LCOR: variants seen among roughly 807,000 people sequenced by gnomAD.
LCOR encodes ligand dependent nuclear receptor corepressor, also known as ligand-dependent corepressor.
LCOR carries 14 observed loss-of-function variants against 64.4 expected under a neutral mutation model. That is an observed-to-expected ratio of 0.22 (90% CI 0.14 to 0.34). The LOEUF is 0.34. Among genes scored for constraint, LCOR ranks in the 10% least tolerant of loss-of-function variants. The probability of loss-of-function intolerance (pLI) is 1.00; values close to 1 mark genes in which losing one functional copy is unlikely to be tolerated. For synonymous variants in LCOR, 643 were observed against 642.5 expected (o/e 1.00, Z -0.01); for missense variants, 1,686 against 1,765.3 (o/e 0.96, Z 0.80).
At chr10:96,855,501 C>T (rs1367552138) in intron 2 of LCOR, among the ~76,000 whole-genome samples, 1 of 152,014 alleles carries the variant, frequency 6.6e-6, no homozygotes, top group African/African-American at 2.4e-5. Flanking sequence ...ATGACGCGAT[C>T]TTGGCTCATT....
chr10:96,933,424 CTTTA>C (rs988690702), intron 4 of LCOR, among the ~76,000 whole-genome samples: 3 of 152,048 alleles, frequency 2.0e-5, no homozygotes, highest in Admixed American at 1.3e-4. Context: ...ATGGTGAAAC[CTTTA>C]TTTATATAGA....
chr10:96,859,158 T>C (rs1845848634), intron 2 of LCOR, among the ~76,000 whole-genome samples: 1 of 152,078 alleles, frequency 6.6e-6, no homozygotes, highest in South Asian at 2.1e-4. Context: ...TCATCAGGAA[T>C]GTTTCCTTCT....
At chr10:96,867,668 G>A (rs896571109) in intron 2 of LCOR, among the ~76,000 whole-genome samples, 4 of 151,862 alleles carry the variant, frequency 2.6e-5, no homozygotes, top group Admixed American at 6.6e-5. Flanking sequence ...GCGGGAAGGC[G>A]GGAGGATGAC....
intron 7 of LCOR, among the ~76,000 whole-genome samples, chr10:96,967,713 GA>G (rs753168603): frequency 3.3e-5 from 5 of 151,832 alleles, no homozygotes; most frequent in African/African-American, 4.8e-5. Flanking sequence ...TTTTCTAAAG[GA>G]AAAAAAAGAT....
intron 2 of LCOR, among the ~76,000 whole-genome samples, chr10:96,881,875 A>G (rs1361212269): frequency 6.6e-6 from 1 of 152,178 alleles, no homozygotes; most frequent in African/African-American, 2.4e-5. Context: ...CCATTGTTTT[A>G]CCACTTTTCA....
chr10:96,903,846 A>G (rs1282715732), intron 2 of LCOR, among the ~76,000 whole-genome samples: 1 of 152,202 alleles, frequency 6.6e-6, no homozygotes, highest in East Asian at 1.9e-4. Flanking sequence ...TGAGAGAAAC[A>G]TTGTTCCTAT....
rs1056879797 is a variant in LCOR at position 96,986,675 on chromosome 10, C to A, written c.*1541C>A. The A allele has an allele frequency of 6.6e-6, 1 of 152,194 alleles. No individual in the cohort carries two copies. Among genetic ancestry groups the A allele is most frequent in the South Asian group, 2.1e-4 (1 of 4,824 alleles). 9.4% of individuals were successfully genotyped at this position (152,194 alleles called of 1,614,324 possible). ...ACCTTGCTCCATTATTATAGTGCAGCGTGTACTTGACTTTTCCATTGGGCC... is the reference window on the plus strand; with the variant it reads ...ACCTTGCTCCATTATTATAGTGCAGAGTGTACTTGACTTTTCCATTGGGCC... On this transcript the variant is annotated 3_prime_UTR_variant, in exon 8 of 8. Coordinates refer to ENST00000421806, the MANE Select transcript of LCOR (RefSeq NM_001346516.2).
intron 2 of LCOR, among the ~76,000 whole-genome samples, chr10:96,889,079 A>AC (rs1846395814): frequency 6.6e-6 from 1 of 152,226 alleles, no homozygotes; most frequent in Non-Finnish European, 1.5e-5. Context: ...GTGTTGTACA[A>AC]CCATTACCAC....
chr10:96,930,295 G>A (rs1847235436), intron 4 of LCOR, among the ~76,000 whole-genome samples: 1 of 151,776 alleles, frequency 6.6e-6, no homozygotes, highest in African/African-American at 2.4e-5. Context: ...TTTAAATGTA[G>A]AAATCTAGTA....
chr10:96,873,849 G>A (rs1221650140), intron 2 of LCOR, among the ~76,000 whole-genome samples: 1 of 152,018 alleles, frequency 6.6e-6, no homozygotes, highest in African/African-American at 2.4e-5. Context: ...TAATTCTGTG[G>A]TGAACAATGA....
At chr10:96,877,116 G>A (rs1200042114) in intron 2 of LCOR, among the ~76,000 whole-genome samples, 1 of 152,088 alleles carries the variant, frequency 6.6e-6, no homozygotes, top group African/African-American at 2.4e-5. Flanking sequence ...AAGGACCCAG[G>A]GGCCATCTTG....
intron 2 of LCOR, among the ~76,000 whole-genome samples, chr10:96,886,438 A>G (rs1273619255): frequency 6.6e-6 from 1 of 152,186 alleles, no homozygotes; most frequent in Non-Finnish European, 1.5e-5. Context: ...ATTTTGGAGT[A>G]TTTTGGATTT....
intron 2 of LCOR, among the ~76,000 whole-genome samples, chr10:96,901,145 C>T (rs959056695): frequency 6.6e-6 from 1 of 151,702 alleles, no homozygotes; most frequent in African/African-American, 2.4e-5. Context: ...GCCAAGATCA[C>T]GCCACTGCAC....
At chr10:96,875,266 C>T (rs1354068540) in intron 2 of LCOR, among the ~76,000 whole-genome samples, 1 of 151,904 alleles carries the variant, frequency 6.6e-6, no homozygotes, top group Non-Finnish European at 1.5e-5. Context: ...TGCCTGTTGT[C>T]CCAGCTACTC....
chr10:96,908,018 G>C (rs1005502466), intron 4 of LCOR: 15 of 151,292 alleles, frequency 9.9e-5, no homozygotes, highest in African/African-American at 3.6e-4. Flanking sequence ...ATTTTGAGAC[G>C]GAGTCTCTCT....
At chr10:96,972,433 C>T (rs1017053658) in intron 7 of LCOR, among the ~76,000 whole-genome samples, 5 of 152,142 alleles carry the variant, frequency 3.3e-5, no homozygotes, top group Non-Finnish European at 5.9e-5. Context: ...GAGGCCATCA[C>T]ATTTCCAGAG....
intron 2 of LCOR, among the ~76,000 whole-genome samples, chr10:96,872,717 C>T (rs945474225): frequency 1.3e-5 from 2 of 152,082 alleles, no homozygotes; most frequent in African/African-American, 4.8e-5. Flanking sequence ...GAGGATGCTA[C>T]ATTAAGACCA....
At chr10:96,887,562 CAAA>C (rs879306494) in intron 2 of LCOR, among the ~76,000 whole-genome samples, 1 of 110,432 alleles carries the variant, frequency 9.1e-6, no homozygotes, top group East Asian at 2.6e-4. Context: ...GACTCCGTCT[CAAA>C]AAAAAAAAAA....
At chr10:96,954,979 G>A (rs751291410) in intron 7 of LCOR, 8 of 1,613,752 alleles carry the variant, frequency 5.0e-6, no homozygotes, top group East Asian at 2.2e-5. Context: ...AGCCAGTACC[G>A]CCCAGACGGA....
Sources: gnomAD v4.1 joint callset for allele counts (sites outside exome capture counted in the v4.1 genomes callset) on GRCh38, gnomAD v4.1.1 for gene constraint, MANE v1.5 for transcripts, NCBI Gene and HGNC (gene_info 2026-07-23, HGNC 2026-07-21) for gene names.